Variants in NR6A1 observed in about 807,000 individuals in gnomAD.
The protein encoded by NR6A1 is retinoic acid receptor-related testis-associated receptor.
In NR6A1, 7 loss-of-function variants were observed where a neutral mutation model predicts 59.1. That is an observed-to-expected ratio of 0.12 (90% confidence interval 0.07 to 0.22). The LOEUF (loss-of-function observed/expected upper bound fraction) is 0.22, where lower values mean the gene tolerates loss of function less well. Among genes scored for constraint, NR6A1 ranks in the 10% least tolerant of loss-of-function variants. The pLI is 1.00. For missense variants in NR6A1, 468 were observed against 611.6 expected, an observed-to-expected ratio of 0.77 and a Z score of 2.48; for synonymous variants, 243 against 236.1, an observed-to-expected ratio of 1.03 and a Z score of -0.27.
At chr9:124,576,934 T>C (rs1050861367) in intron 2 of NR6A1, among the ~76,000 whole-genome samples, 1 of 152,116 alleles carries the variant, frequency 6.6e-6, no homozygotes, top group Non-Finnish European at 1.5e-5. Context: ...TGTATGCCTG[T>C]AGTCCCAGGT....
intron 1 of NR6A1, among the ~76,000 whole-genome samples, chr9:124,743,207 C>G (rs1840226478): frequency 6.6e-6 from 1 of 152,230 alleles, no homozygotes; most frequent in African/African-American, 2.4e-5. Context: ...TTCACACCTG[C>G]CTCTTGCTTT....
chr9:124,699,667 T>C (rs1013254894), intron 2 of NR6A1, among the ~76,000 whole-genome samples: 1 of 152,230 alleles, frequency 6.6e-6, no homozygotes, highest in African/African-American at 2.4e-5. Context: ...AATTCGCCTG[T>C]TGTAAGTGTA....
rs185902603 is a variant in NR6A1 at position 124,532,297 on chromosome 9, C to T, written c.1079+3581G>A. 2.4e-4 allele frequency among the ~76,000 whole-genome samples: 37 copies of T among 152,292 alleles called. 2 individuals are homozygous for T. The highest frequency in any genetic ancestry group is 2.1e-3 in the Admixed American group (32 of 15,300). On this transcript the variant is annotated intron_variant, in intron 7 of 9. Transcript: ENST00000487099. ...CTTCCTTCCTTCCTGTTCTCTACAACGTTCCTAGAAATTCCCACTTCAAGG... is the reference window on the plus strand; with the variant it reads ...CTTCCTTCCTTCCTGTTCTCTACAATGTTCCTAGAAATTCCCACTTCAAGG...
intron 2 of NR6A1, among the ~76,000 whole-genome samples, chr9:124,614,670 C>A (rs1424094247): frequency 6.6e-6 from 1 of 152,104 alleles, no homozygotes; most frequent in African/African-American, 2.4e-5. Flanking sequence ...CAAAAGTCCG[C>A]CACTATATGC....
intron 2 of NR6A1, among the ~76,000 whole-genome samples, chr9:124,678,038 G>GA (rs1461852624): frequency 1.3e-5 from 2 of 152,096 alleles, no homozygotes; most frequent in African/African-American, 4.8e-5. Flanking sequence ...ACTGTTTCTT[G>GA]AAAAAAGCCT....
chr9:124,648,915 G>A (rs898989072), intron 2 of NR6A1, among the ~76,000 whole-genome samples: 2 of 151,640 alleles, frequency 1.3e-5, no homozygotes, highest in Non-Finnish European at 2.9e-5. Context: ...GAAAGATCTC[G>A]ACAATGAAAA....
chr9:124,719,672 A>C (rs530600169), intron 2 of NR6A1, among the ~76,000 whole-genome samples: 3 of 152,200 alleles, frequency 2.0e-5, no homozygotes, highest in Non-Finnish European at 4.4e-5. Context: ...TAATCTCAGC[A>C]CTCTGGGAAG....
At chr9:124,577,204 C>G (rs1209350818) in intron 2 of NR6A1, among the ~76,000 whole-genome samples, 1 of 152,208 alleles carries the variant, frequency 6.6e-6, no homozygotes, top group African/African-American at 2.4e-5. Context: ...AAAATACACT[C>G]AGTGCAATTA....
intron 2 of NR6A1, among the ~76,000 whole-genome samples, chr9:124,604,756 G>T (rs1424639102): frequency 6.6e-6 from 1 of 152,096 alleles, no homozygotes; most frequent in African/African-American, 2.4e-5. Flanking sequence ...AGAGGTTGCA[G>T]TGAGCAGAGA....
intron 2 of NR6A1, among the ~76,000 whole-genome samples, chr9:124,570,013 A>G (rs1043214389): frequency 4.6e-5 from 7 of 151,942 alleles, no homozygotes; most frequent in Non-Finnish European, 1.0e-4. Context: ...ATGCCAAAGG[A>G]AAAAAAAATT....
intron 1 of NR6A1, among the ~76,000 whole-genome samples, chr9:124,752,415 C>T (rs1236355995): frequency 2.6e-5 from 4 of 152,042 alleles, no homozygotes; most frequent in African/African-American, 9.7e-5. Flanking sequence ...ATCTAGGCTT[C>T]AATTATGGTA....
Position 124,729,843 on chromosome 9 carries a change from G to A in NR6A1, c.142+3465C>T, listed in dbSNP as rs572804901. Among the ~76,000 whole-genome samples, 138 of 145,604 alleles carry A rather than the reference G, an allele frequency of 9.5e-4. 2 individuals carry two copies. The South Asian group carries it at 0.018, about 19-fold the overall frequency. ...TTTTTTTTTTTTGAGACGGAGTCTC[G>A]CTCTTGTTGCCCAGGCTGGAGTGCA... On this transcript the variant is annotated intron_variant, in intron 2 of 9. Transcript: ENST00000487099.
intron 2 of NR6A1, among the ~76,000 whole-genome samples, chr9:124,623,519 C>T (rs1260661718): frequency 2.0e-5 from 3 of 148,516 alleles, no homozygotes; most frequent in African/African-American, 7.8e-5. Flanking sequence ...GCTACCATGC[C>T]TGGCTAATTT....
intron 2 of NR6A1, among the ~76,000 whole-genome samples, chr9:124,634,532 T>G (rs1187287409): frequency 6.6e-6 from 1 of 152,096 alleles, no homozygotes; most frequent in Non-Finnish European, 1.5e-5. Flanking sequence ...TTTAAGAGAC[T>G]TTATTTCTGC....
intron 2 of NR6A1, among the ~76,000 whole-genome samples, chr9:124,573,670 A>G (rs1834511069): frequency 6.6e-6 from 1 of 152,208 alleles, no homozygotes; most frequent in Non-Finnish European, 1.5e-5. Flanking sequence ...TACAGCCGCT[A>G]CATTGTAATA....
chr9:124,656,629 C>T (rs777765558), intron 2 of NR6A1, among the ~76,000 whole-genome samples: 26 of 152,002 alleles, frequency 1.7e-4, no homozygotes, highest in African/African-American at 4.6e-4. Flanking sequence ...ATCACGAGTT[C>T]GAGACCAGCC....
Position 124,713,550 on chromosome 9 carries a change from A to G in NR6A1, c.142+19758T>C, listed in dbSNP as rs113574389. 5.8e-3 allele frequency among the ~76,000 whole-genome samples: 876 copies of G among 152,314 alleles called. 12 individuals carry two copies. Among genetic ancestry groups the G allele is most frequent in the African/African-American group, 0.02 (814 of 41,574 alleles). On this transcript the variant is annotated intron_variant, in intron 2 of 9. Coordinates refer to ENST00000487099, the MANE Select transcript of NR6A1 (RefSeq NM_033334.4). ...AAGAACTCGTATAACTGAAACAAAA[A>G]CCCATAAAGAATCCAATTAAATAGG...
At chr9:124,694,712 A>C (rs750681269) in intron 2 of NR6A1, among the ~76,000 whole-genome samples, 1 of 152,222 alleles carries the variant, frequency 6.6e-6, no homozygotes, top group Non-Finnish European at 1.5e-5. Context: ...GTCTAAGAAG[A>C]AGCAGATTCT....
intron 1 of NR6A1, among the ~76,000 whole-genome samples, chr9:124,741,542 C>T (rs1019336196): frequency 1.3e-5 from 2 of 152,176 alleles, no homozygotes; most frequent in Non-Finnish European, 2.9e-5. Context: ...CCTGACAATG[C>T]AAATGCACTT....
Sources: gnomAD v4.1 joint callset for allele counts (sites outside exome capture counted in the v4.1 genomes callset) on GRCh38, gnomAD v4.1.1 for gene constraint, MANE v1.5 for transcripts, NCBI Gene and HGNC (gene_info 2026-07-23, HGNC 2026-07-21) for gene names.